The following ENKUR variants were observed in gnomAD, a reference collection of about 807,000 sequenced individuals.
The protein encoded by ENKUR is enkurin, TRPC channel interacting protein.
Under a neutral mutation model 27.6 loss-of-function variants are expected in ENKUR, and 19 were observed. The ratio of observed to expected loss-of-function variants is 0.69; its 90% confidence interval spans 0.48 to 1.01. The LOEUF (loss-of-function observed/expected upper bound fraction) is 1.01, where lower values mean the gene tolerates loss of function less well. ENKUR is among the 50% of genes least tolerant of loss of function. The probability of loss-of-function intolerance (pLI) is 0.00; values close to 1 mark genes in which losing one functional copy is unlikely to be tolerated. For missense variants in ENKUR, 312 were observed against 310.5 expected (o/e 1.00, Z -0.04); for synonymous variants, 117 against 96.9 (o/e 1.21, Z -1.22).
chr10:25,027,647 G>A lies in ENKUR; in HGVS notation c.38-31778C>T, dbSNP rs546048922. Among the ~76,000 whole-genome samples the A allele has an allele frequency of 1.9e-3, 290 of 152,130 alleles. 4 individuals are homozygous for A. The highest frequency in any genetic ancestry group is 6.4e-3 in the African/African-American group (266 of 41,496). On this transcript the variant is annotated intron_variant, in intron 2 of 5. Coordinates refer to the ENKUR transcript ENST00000615958. ...CTCATGCCTGTAATCCCAGCACTTT[G>A]GGAGGCCGAGGAGGGTGGATCACCT...
At chr10:25,024,793 G>T in intron 2 of ENKUR, 1 of 1,614,060 alleles carries the variant, frequency 6.2e-7, no homozygotes, top group Non-Finnish European at 8.5e-7. Flanking sequence ...CAAAATGATG[G>T]GAATCCCGAT....
At chr10:25,010,112 G>A (rs1052312350) in intron 1 of ENKUR, among the ~76,000 whole-genome samples, 2 of 152,194 alleles carry the variant, frequency 1.3e-5, no homozygotes, top group African/African-American at 4.8e-5. Context: ...GGAAAGTTTG[G>A]AGCTTCCTAG....
chr10:25,021,687 G>A (rs1377873133), intron 2 of ENKUR: 1 of 152,114 alleles, frequency 6.6e-6, no homozygotes. Flanking sequence ...TCTATGTGTA[G>A]AATTTTATGA....
At chr10:25,024,992 T>TA in intron 2 of ENKUR, 1 of 1,614,198 alleles carries the variant, frequency 6.2e-7, no homozygotes, top group Non-Finnish European at 8.5e-7. Context: ...ATGACAGAAT[T>TA]ATTTAATCGA....
chr10:25,035,100 A>C (rs1317904925), intron 2 of ENKUR, among the ~76,000 whole-genome samples: 1 of 152,228 alleles, frequency 6.6e-6, no homozygotes, highest in Non-Finnish European at 1.5e-5. Context: ...GAAAACGGTT[A>C]CACATATATT....
upstream of ENKUR, among the ~76,000 whole-genome samples, chr10:25,018,210 CT>C (rs901224788): frequency 1.3e-5 from 2 of 152,168 alleles, no homozygotes; most frequent in Non-Finnish European, 2.9e-5. Context: ...TGGAAAAAAA[CT>C]TTTCTTTTTT....
intron 2 of ENKUR, among the ~76,000 whole-genome samples, chr10:25,056,996 C>T (rs1851265974): frequency 1.3e-5 from 2 of 152,182 alleles, no homozygotes; most frequent in East Asian, 1.9e-4. Context: ...CTGGTCTCAT[C>T]GCTCTCCAGA....
intron 1 of ENKUR, among the ~76,000 whole-genome samples, chr10:25,001,001 A>C (rs1435992523): frequency 6.6e-6 from 1 of 151,190 alleles, no homozygotes; most frequent in Non-Finnish European, 1.5e-5. Context: ...ATCCAACCCC[A>C]CTCTTGTCTT....
intron 2 of ENKUR, among the ~76,000 whole-genome samples, chr10:25,052,950 C>T (rs768508669): frequency 1.3e-5 from 2 of 151,690 alleles, no homozygotes; most frequent in Admixed American, 6.6e-5. Flanking sequence ...TGTATTTTTA[C>T]TAGAGACAGG....
At chr10:25,014,632 A>G (rs1329322949) in intron 1 of ENKUR, among the ~76,000 whole-genome samples, 2 of 152,182 alleles carry the variant, frequency 1.3e-5, no homozygotes, top group East Asian at 3.8e-4. Context: ...ACAATCTACC[A>G]ATCTGTTATA....
At chr10:25,008,903 A>G (rs989599940) in intron 1 of ENKUR, among the ~76,000 whole-genome samples, 7 of 152,266 alleles carry the variant, frequency 4.6e-5, no homozygotes, top group Non-Finnish European at 8.8e-5. Context: ...TGGCACATAT[A>G]TACCATGGAA....
intron 1 of ENKUR, among the ~76,000 whole-genome samples, chr10:25,008,285 A>G (rs1255420721): frequency 6.6e-6 from 1 of 152,186 alleles, no homozygotes; most frequent in Non-Finnish European, 1.5e-5. Flanking sequence ...CTTTCTTTGA[A>G]TATAAGTTAA....
rs1849730301 is a variant in ENKUR, at chr10:24,984,331, T to G, written c.*39A>C. ...GAAGGCACGTGTTACTATTTCCAGT[T>G]CAAAATACTTAACAGTTTTCAAAGT... On this transcript the variant is annotated 3_prime_UTR_variant, in exon 6 of 6. Coordinates refer to ENST00000331161, the MANE Select transcript of ENKUR (RefSeq NM_145010.4). The G allele has an allele frequency of 6.3e-7, 1 of 1,583,470 alleles. No individual in the cohort carries two copies. Among genetic ancestry groups the G allele is most frequent in the African/African-American group, 1.4e-5 (1 of 72,634 alleles).
chr10:24,988,448 C>T (rs1588646598), intron 4 of ENKUR, among the ~76,000 whole-genome samples: 1 of 142,318 alleles, frequency 7.0e-6, no homozygotes, highest in African/African-American at 2.6e-5. Flanking sequence ...TTATATTGTA[C>T]ATATGTTATA....
intron 3 of ENKUR, among the ~76,000 whole-genome samples, chr10:24,991,781 C>A (rs1849934802): frequency 6.6e-6 from 1 of 152,206 alleles, no homozygotes; most frequent in Non-Finnish European, 1.5e-5. Flanking sequence ...GCCCTCTGTC[C>A]TTGTCATAAG....
At chr10:24,993,542 G>A (rs1363725461) in intron 3 of ENKUR, among the ~76,000 whole-genome samples, 2 of 152,168 alleles carry the variant, frequency 1.3e-5, no homozygotes, top group Non-Finnish European at 2.9e-5. Flanking sequence ...AATTCACTTG[G>A]AGCTGAAATG....
In ENKUR at chr10:24,992,832, TG is replaced by T. The variant is rs151042782; in HGVS notation, c.448-2224del. On this transcript the variant is annotated intron_variant, in intron 3 of 5. Coordinates refer to ENST00000331161, the MANE Select transcript of ENKUR (RefSeq NM_145010.4). ...TGCAGAGGACAATACAAATAGACTCTGGGAGGCCAGTATTCTGGTCAGCTGG... is the reference window on the plus strand; with the variant it reads ...TGCAGAGGACAATACAAATAGACTCTGGAGGCCAGTATTCTGGTCAGCTGG... Among the ~76,000 whole-genome samples the T allele has an allele frequency of 2.7e-3, 408 of 152,298 alleles. 1 individual carries two copies. Among genetic ancestry groups the T allele is most frequent in the South Asian group, 7.9e-3 (38 of 4,824 alleles).
At chr10:25,045,068 C>T (rs972432532) in intron 2 of ENKUR, among the ~76,000 whole-genome samples, 2 of 152,186 alleles carry the variant, frequency 1.3e-5, no homozygotes, top group Non-Finnish European at 2.9e-5. Context: ...ACATATGGAC[C>T]TCATGCAATG....
intron 1 of ENKUR, among the ~76,000 whole-genome samples, chr10:25,009,868 G>T (rs1030931514): frequency 2.0e-5 from 3 of 152,248 alleles, no homozygotes; most frequent in Admixed American, 1.3e-4. Flanking sequence ...TCCCATGATT[G>T]TGAGGCCTCC....
Sources: allele counts gnomAD v4.1 joint callset (sites outside exome capture counted in the v4.1 genomes callset), GRCh38; gene constraint gnomAD v4.1.1; transcripts MANE v1.5; gene names NCBI Gene and HGNC (gene_info 2026-07-23, HGNC 2026-07-21).